Variants in DSCAM observed in about 807,000 individuals in gnomAD.
DSCAM encodes the protein cell adhesion molecule DSCAM.
A neutral mutation model predicts 217.7 loss-of-function variants in DSCAM; 47 were observed. The ratio of observed to expected loss-of-function variants is 0.22; its 90% CI spans 0.17 to 0.28. The LOEUF (loss-of-function observed/expected upper bound fraction) is 0.28. Among genes scored for constraint, DSCAM ranks in the 10% least tolerant of loss-of-function variants. DSCAM has a pLI of 1.00. For synonymous variants in DSCAM, 1,056 were observed against 1,015.3 expected (o/e 1.04, Z -0.76); for missense variants, 2,080 against 2,618.3 (o/e 0.79, Z 4.49).
chr21:40,020,426 A>C (rs1484783475), intron 32 of DSCAM, among the ~76,000 whole-genome samples: 1 of 152,138 alleles, frequency 6.6e-6, no homozygotes, highest in Non-Finnish European at 1.5e-5. Context: ...GGCATAGAAA[A>C]GGGGTAAAAA....
chr21:40,564,885 G>A (rs761411820), intron 3 of DSCAM, among the ~76,000 whole-genome samples: 3 of 95,668 alleles, frequency 3.1e-5, no homozygotes, highest in Non-Finnish European at 5.0e-5. Flanking sequence ...GTGCCAGCAA[G>A]GTGTGCTGTA....
intron 3 of DSCAM, among the ~76,000 whole-genome samples, chr21:40,376,846 GC>G (rs1333542988): frequency 6.6e-6 from 1 of 151,696 alleles, no homozygotes; most frequent in Admixed American, 6.6e-5. Flanking sequence ...GAAAAGAAGA[GC>G]CCCCTAAAGA....
intron 3 of DSCAM, among the ~76,000 whole-genome samples, chr21:40,382,664 C>T (rs2837594): frequency 0.43 from 65,458 of 151,998 alleles, 15,232 homozygotes; most frequent in South Asian, 0.63. Context: ...TGCGGTCCCT[C>T]GTGTCACTCC....
At chr21:40,612,942 C>T (rs1193902876) in intron 3 of DSCAM, among the ~76,000 whole-genome samples, 1 of 152,144 alleles carries the variant, frequency 6.6e-6, no homozygotes, top group East Asian at 1.9e-4. Flanking sequence ...AGAATTAAGA[C>T]AGGAATCTTT....
intron 3 of DSCAM, among the ~76,000 whole-genome samples, chr21:40,544,775 T>C (rs1032568567): frequency 1.3e-5 from 2 of 152,314 alleles, no homozygotes; most frequent in African/African-American, 4.8e-5. Flanking sequence ...ATTTTTATTG[T>C]TGTTATATAT....
intron 11 of DSCAM, among the ~76,000 whole-genome samples, chr21:40,262,113 T>C (rs1436932717): frequency 1.3e-5 from 2 of 152,116 alleles, no homozygotes; most frequent in African/African-American, 4.8e-5. Flanking sequence ...CACAGTGAGA[T>C]GGCAGCCACC....
chr21:40,073,298 G>C lies in DSCAM; in HGVS notation c.4888+1739C>G, dbSNP rs547159566. The stretch of plus-strand genomic sequence containing the variant: ...AGCATTACCTAGATGCTTAACTCTT[G>C]TGATTAAATCAAAATCATTAATAAG... On this transcript the variant is annotated intron_variant, in intron 27 of 32. Coordinates refer to ENST00000400454, the MANE Select transcript of DSCAM (RefSeq NM_001389.5). 5.3e-5 allele frequency among the ~76,000 whole-genome samples: 8 copies of C among 152,340 alleles called. No individual in the cohort carries two copies. In the South Asian group the frequency reaches 1.7e-3, roughly 32 times the overall value.
chr21:40,402,760 A>T (rs2075248423), intron 3 of DSCAM, among the ~76,000 whole-genome samples: 1 of 151,928 alleles, frequency 6.6e-6, no homozygotes, highest in Non-Finnish European at 1.5e-5. Flanking sequence ...GATACATTTT[A>T]ATTTTAGGTT....
At chr21:40,585,775 ATTAT>A (rs1399326289) in intron 3 of DSCAM, among the ~76,000 whole-genome samples, 1 of 152,026 alleles carries the variant, frequency 6.6e-6, no homozygotes, top group Non-Finnish European at 1.5e-5. Flanking sequence ...TAAAGAATGA[ATTAT>A]TTATCTACTA....
At chr21:40,693,300 G>T (rs1271014313) in intron 2 of DSCAM, among the ~76,000 whole-genome samples, 1 of 152,084 alleles carries the variant, frequency 6.6e-6, no homozygotes, top group Non-Finnish European at 1.5e-5. Flanking sequence ...GCTGGGCATG[G>T]TGGTGTGTGA....
At chr21:40,129,559 T>C (rs913910725) in intron 19 of DSCAM, among the ~76,000 whole-genome samples, 6 of 152,080 alleles carry the variant, frequency 3.9e-5, no homozygotes, top group African/African-American at 9.7e-5. Context: ...AGAACCTAGT[T>C]TGGGATCCAC....
chr21:40,633,677 A>G (rs2089720963), intron 3 of DSCAM, among the ~76,000 whole-genome samples: 1 of 152,182 alleles, frequency 6.6e-6, no homozygotes, highest in Non-Finnish European at 1.5e-5. Flanking sequence ...CTAGACATTG[A>G]GAATAAGATG....
In DSCAM at chr21:40,187,334, C is replaced by T. The variant is rs552520920; in HGVS notation, c.2651-75G>A. ...ATAAAACGCTAGTGGAAATGCTGAG[C>T]GTGACTCACAAACGATTTGTCTGCA... On this transcript the variant is annotated intron_variant, in intron 13 of 32. Coordinates refer to ENST00000400454, the MANE Select transcript of DSCAM (RefSeq NM_001389.5). 6.0e-5 allele frequency: 93 copies of T among 1,562,614 alleles called. 1 individual carries two copies. The African/African-American group carries it at 8.5e-4, about 14-fold the overall frequency.
chr21:40,402,461 T>C (rs546675236), intron 3 of DSCAM, among the ~76,000 whole-genome samples: 23 of 152,202 alleles, frequency 1.5e-4, no homozygotes, highest in African/African-American at 5.5e-4. Flanking sequence ...AACAAGTATC[T>C]GCCTAGGGAA....
intron 4 of DSCAM, among the ~76,000 whole-genome samples, chr21:40,367,962 T>C (rs1405032994): frequency 6.6e-6 from 1 of 152,180 alleles, no homozygotes; most frequent in Admixed American, 6.6e-5. Context: ...CATCGTGGGA[T>C]TAAGGAAAGT....
intron 20 of DSCAM, among the ~76,000 whole-genome samples, chr21:40,101,818 C>G (rs2222998): frequency 0.44 from 67,407 of 151,708 alleles, 16,208 homozygotes; most frequent in African/African-American, 0.64. Context: ...CTGCTGCCTT[C>G]AAAGTATGGA....
chr21:40,540,773 C>G (rs2076537021), intron 3 of DSCAM, among the ~76,000 whole-genome samples: 1 of 152,148 alleles, frequency 6.6e-6, no homozygotes, highest in Non-Finnish European at 1.5e-5. Flanking sequence ...CTTCGATCAA[C>G]TTCAATCCGT....
At chr21:40,443,425 T>C (rs951582739) in intron 3 of DSCAM, among the ~76,000 whole-genome samples, 3 of 152,212 alleles carry the variant, frequency 2.0e-5, no homozygotes, top group Non-Finnish European at 2.9e-5. Flanking sequence ...ATGGCTTCAT[T>C]GTGAGTTAAA....
At chr21:40,530,914 C>T (rs1254637678) in intron 3 of DSCAM, among the ~76,000 whole-genome samples, 1 of 81,778 alleles carries the variant, frequency 1.2e-5, no homozygotes, top group Non-Finnish European at 2.1e-5. Flanking sequence ...TCCATCCATC[C>T]ATTCAACCAT....
Sources: gnomAD v4.1 joint callset for allele counts (sites outside exome capture counted in the v4.1 genomes callset) on GRCh38, gnomAD v4.1.1 for gene constraint, MANE v1.5 for transcripts, NCBI Gene and HGNC (gene_info 2026-07-23, HGNC 2026-07-21) for gene names.